The following GALNTL6 variants were observed in gnomAD, a reference collection of about 807,000 sequenced individuals.
The protein encoded by GALNTL6 is polypeptide N-acetylgalactosaminyltransferase-like 6.
A neutral mutation model predicts 73.7 loss-of-function variants in GALNTL6; 46 were observed. That is an observed-to-expected ratio of 0.62 (90% CI 0.49 to 0.80). The LOEUF (loss-of-function observed/expected upper bound fraction) is 0.80. GALNTL6 is among the 30% of genes least tolerant of loss of function. The pLI, the probability that GALNTL6 is intolerant of heterozygous loss-of-function variation, is 0.00. For missense variants in GALNTL6, 604 were observed against 755.0 expected (o/e 0.80, Z 2.34); for synonymous variants, 259 against 263.7 (o/e 0.98, Z 0.17).
chr4:172,732,447 C>T (rs1194039503), intron 5 of GALNTL6, among the ~76,000 whole-genome samples: 1 of 152,052 alleles, frequency 6.6e-6, no homozygotes, highest in African/African-American at 2.4e-5. Flanking sequence ...TTTTTGAGGG[C>T]AGAATATAAT....
intron 2 of GALNTL6, among the ~76,000 whole-genome samples, chr4:171,826,486 A>C (rs1734827875): frequency 6.6e-6 from 1 of 152,114 alleles, no homozygotes; most frequent in South Asian, 2.1e-4. Flanking sequence ...CATCCCTCAC[A>C]ATAATATTTA....
At chr4:172,022,872 C>T (rs928554619) in intron 2 of GALNTL6, among the ~76,000 whole-genome samples, 1 of 152,000 alleles carries the variant, frequency 6.6e-6, no homozygotes. Flanking sequence ...ATTCTCTGAG[C>T]CACCCCATTT....
chr4:171,973,024 A>C (rs2111067321), intron 2 of GALNTL6, among the ~76,000 whole-genome samples: 2 of 152,318 alleles, frequency 1.3e-5, no homozygotes, highest in South Asian at 4.1e-4. Context: ...GCAATTATTA[A>C]AGAGTATTCT....
intron 2 of GALNTL6, among the ~76,000 whole-genome samples, chr4:172,080,541 C>G (rs929044149): frequency 6.6e-6 from 1 of 151,870 alleles, no homozygotes; most frequent in African/African-American, 2.4e-5. Context: ...AATTATATGA[C>G]TATTTTAGAA....
chr4:172,899,084 G>A (rs974002874), intron 8 of GALNTL6, among the ~76,000 whole-genome samples: 1 of 152,154 alleles, frequency 6.6e-6, no homozygotes, highest in African/African-American at 2.4e-5. Context: ...AAAAGGGACA[G>A]GAATAGCTCA....
intron 7 of GALNTL6, among the ~76,000 whole-genome samples, chr4:172,863,479 C>T (rs978568275): frequency 3.3e-5 from 5 of 152,170 alleles, no homozygotes; most frequent in African/African-American, 1.2e-4. Flanking sequence ...CAAAGGAGAT[C>T]ATTTTGGAGC....
At chr4:172,772,683 G>T (rs1738843346) in intron 5 of GALNTL6, among the ~76,000 whole-genome samples, 1 of 151,626 alleles carries the variant, frequency 6.6e-6, no homozygotes, top group Non-Finnish European at 1.5e-5. Context: ...ATTTCTATAT[G>T]ATTTTAGAAA....
chr4:171,933,234 A>T (rs77338683), intron 2 of GALNTL6, among the ~76,000 whole-genome samples: 3 of 152,154 alleles, frequency 2.0e-5, no homozygotes, highest in Admixed American at 6.5e-5. Flanking sequence ...TTGATTTTAA[A>T]TCAGTCCCTC....
chr4:172,515,850 G>A (rs1734588365), intron 5 of GALNTL6, among the ~76,000 whole-genome samples: 1 of 152,148 alleles, frequency 6.6e-6, no homozygotes, highest in African/African-American at 2.4e-5. Flanking sequence ...GGATGGCACA[G>A]CACGGCATTC....
chr4:172,831,595 TCA>T, intron 7 of GALNTL6, among the ~76,000 whole-genome samples: 1 of 152,108 alleles, frequency 6.6e-6, no homozygotes, highest in South Asian at 2.1e-4. Flanking sequence ...AGGGGAAAAA[TCA>T]CAGGTTTGGC....
rs147188358 is a variant in GALNTL6 at position 172,930,801 on chromosome 4, A to T, written c.1042-360A>T. ...CAACTCAGCCTCCCAAGTAGCTGGG[A>T]CTGAAGGCGCACACCACCACACCCA... On this transcript the variant is annotated intron_variant, in intron 8 of 12. Coordinates refer to ENST00000506823, the MANE Select transcript of GALNTL6 (RefSeq NM_001034845.3). 6.4e-3 allele frequency among the ~76,000 whole-genome samples: 971 copies of T among 152,256 alleles called. 10 individuals carry two copies. The highest frequency in any genetic ancestry group is 0.022 in the African/African-American group (914 of 41,546).
intron 8 of GALNTL6, among the ~76,000 whole-genome samples, chr4:172,922,348 T>C (rs1367388393): frequency 6.6e-6 from 1 of 152,188 alleles, no homozygotes; most frequent in African/African-American, 2.4e-5. Flanking sequence ...CAAAAATTTC[T>C]TTTAAAAATA....
chr4:172,821,835 G>T (rs572121489), intron 7 of GALNTL6, among the ~76,000 whole-genome samples: 3 of 152,180 alleles, frequency 2.0e-5, no homozygotes, highest in Non-Finnish European at 4.4e-5. Context: ...TTTTTTAAAT[G>T]TAAAGTAAAA....
chr4:172,985,122 T>C (rs138908372), intron 10 of GALNTL6, among the ~76,000 whole-genome samples: 3,101 of 152,210 alleles, frequency 0.02, 42 homozygotes, highest in Middle Eastern at 0.054. Flanking sequence ...GCCTTGCCCA[T>C]GACCCAATTC....
intron 7 of GALNTL6, among the ~76,000 whole-genome samples, chr4:172,865,272 A>G (rs542939400): frequency 6.6e-6 from 1 of 152,366 alleles, no homozygotes; most frequent in South Asian, 2.1e-4. Context: ...AAATGCCAAC[A>G]CTGCACTATT....
chr4:172,678,878 A>G (rs898923816), intron 5 of GALNTL6, among the ~76,000 whole-genome samples: 1 of 152,170 alleles, frequency 6.6e-6, no homozygotes, highest in African/African-American at 2.4e-5. Flanking sequence ...TTCATGGTCT[A>G]AAGTAGAGGT....
chr4:172,393,428 T>C (rs958321068), intron 5 of GALNTL6, among the ~76,000 whole-genome samples: 2 of 152,120 alleles, frequency 1.3e-5, no homozygotes, highest in African/African-American at 4.8e-5. Context: ...AATTTGCCAT[T>C]AAACAAAACG....
At chr4:172,652,558 G>A (rs1162307859) in intron 5 of GALNTL6, among the ~76,000 whole-genome samples, 1 of 152,146 alleles carries the variant, frequency 6.6e-6, no homozygotes, top group East Asian at 1.9e-4. Context: ...ACACAGGCAT[G>A]CCCTAGATCA....
At chr4:171,830,141 C>T (rs1198821745) in intron 2 of GALNTL6, among the ~76,000 whole-genome samples, 1 of 151,926 alleles carries the variant, frequency 6.6e-6, no homozygotes, top group African/African-American at 2.4e-5. Flanking sequence ...TGGCCACAAG[C>T]CAAAGAACTC....
Sources: allele counts gnomAD v4.1 joint callset (sites outside exome capture counted in the v4.1 genomes callset), GRCh38; gene constraint gnomAD v4.1.1; transcripts MANE v1.5; gene names NCBI Gene and HGNC (gene_info 2026-07-23, HGNC 2026-07-21).